CD83: variants seen among roughly 807,000 people sequenced by gnomAD.
CD83 encodes the protein CD83 antigen.
A neutral mutation model predicts 24.6 loss-of-function variants in CD83; 22 were observed. The observed-to-expected ratio is 0.90, with a 90% CI of 0.64 to 1.28. CD83 has a LOEUF of 1.28. Ranked by LOEUF, CD83 falls within the 50% of genes most tolerant of loss-of-function variation. The probability of loss-of-function intolerance (pLI) is 0.00; values close to 1 mark genes in which losing one functional copy is unlikely to be tolerated. For synonymous variants in CD83, 101 were observed against 103.5 expected (o/e 0.98, Z 0.14); for missense variants, 253 against 252.8 (o/e 1.00, Z -0.01).
In CD83 at chr6:14,131,672, G is replaced by A. The variant is rs534299129; in HGVS notation, c.306G>A (p.Ser102=). 6.6e-5 allele frequency: 106 copies of A among 1,614,020 alleles called. No homozygotes were observed. The highest frequency in any genetic ancestry group is 1.6e-4 in the Middle Eastern group (1 of 6,084). Residue 102 remains serine (S), a synonymous_variant, in exon 3 of 5, where the codon TCG becomes TCA. Transcript: ENST00000379153. ...TCCGAAACACTACCAGCTGCAACTC[G>A]GGGACATACAGGTGCACTCTGCAGG... ...LKIRNTTSCN[S]GTYRCTLQDP...
chr6:14,135,166 C>A lies in CD83; in HGVS notation c.548C>A (p.Ala183Asp), dbSNP rs148388985. The A allele has an allele frequency of 4.3e-6, 7 of 1,614,084 alleles. No homozygotes were observed. The highest frequency in any genetic ancestry group is 5.9e-6 in the Non-Finnish European group (7 of 1,179,932). ...TTTTCTAAAGCTGGCATGGAACGAGCTTTTCTCCCAGTTACCTCCCCAAAT... is the reference window on the plus strand; with the variant it reads ...TTTTCTAAAGCTGGCATGGAACGAGATTTTCTCCCAGTTACCTCCCCAAAT... Reference protein sequence around the residue: ...PDFSKAGMERAFLPVTSPNKH... With the variant: ...PDFSKAGMERDFLPVTSPNKH... The change falls in exon 5 of 5, where the codon GCT becomes GAT. Residue 183 changes from alanine (A) to aspartate (D), a missense_variant. Coordinates refer to ENST00000379153, the MANE Select transcript of CD83 (RefSeq NM_004233.4).
At chr6:14,122,924 G>A (rs1759701011) in intron 2 of CD83, among the ~76,000 whole-genome samples, 1 of 152,230 alleles carries the variant, frequency 6.6e-6, no homozygotes, top group Non-Finnish European at 1.5e-5. Context: ...AACCATTGAG[G>A]TAACCAGTGA....
At chr6:14,120,190 C>A (rs78346833) in intron 2 of CD83, among the ~76,000 whole-genome samples, 2,375 of 152,234 alleles carry the variant, frequency 0.016, 45 homozygotes, top group Middle Eastern at 0.051. Flanking sequence ...TTATGCTATA[C>A]CAATAAACGA....
chr6:14,132,361 G>T (rs1757929579), intron 3 of CD83, among the ~76,000 whole-genome samples: 1 of 152,238 alleles, frequency 6.6e-6, no homozygotes, highest in Non-Finnish European at 1.5e-5. Context: ...GGAGAGTGGA[G>T]AGGGCAGGCA....
chr6:14,123,280 G>A (rs1561829415), intron 2 of CD83, among the ~76,000 whole-genome samples: 2 of 151,890 alleles, frequency 1.3e-5, no homozygotes. Context: ...TGTATTTTTA[G>A]TAGAGACAGG....
chr6:14,135,072 A>C (rs763042696), intron 4 of CD83, 36 bp from the exon 5 acceptor site: 19 of 1,609,738 alleles, frequency 1.2e-5, no homozygotes, highest in Non-Finnish European at 1.6e-5. Context: ...GAATTTTTCC[A>C]ATTATTCACT....
chr6:14,118,171 G>T, intron 2 of CD83, 106 bp downstream of exon 2: 1 of 728,918 alleles, frequency 1.4e-6, no homozygotes, highest in Non-Finnish European at 2.2e-6. Context: ...AGGTGGGGGC[G>T]AGGGGCGTCT....
At chr6:14,119,828 C>T (rs1186382749) in intron 2 of CD83, among the ~76,000 whole-genome samples, 1 of 152,150 alleles carries the variant, frequency 6.6e-6, no homozygotes, top group Non-Finnish European at 1.5e-5. Flanking sequence ...TTAAAAAGTA[C>T]TCATGAAACA....
chr6:14,126,281 TA>T (rs1007094303), intron 2 of CD83, among the ~76,000 whole-genome samples: 3 of 152,014 alleles, frequency 2.0e-5, no homozygotes, highest in Non-Finnish European at 4.4e-5. Flanking sequence ...ACCTTGGTTA[TA>T]AAAAAAAGGA....
chr6:14,117,863 C>G lies in CD83; in HGVS notation c.37+15C>G. On this transcript the variant is annotated intron_variant, in intron 1 of 4. Coordinates refer to ENST00000379153, the MANE Select transcript of CD83 (RefSeq NM_004233.4). This position sits in a 1 kb window ranked among gnomAD's most constrained non-coding sequence, Gnocchi z 4.6. Reference sequence around the variant, plus strand: ...CCTGAGCTGCGGTAGGGCTCGCGAGCGCCTGTCTCGCCTGTCGCCCCCCGC... The same window carrying G: ...CCTGAGCTGCGGTAGGGCTCGCGAGGGCCTGTCTCGCCTGTCGCCCCCCGC... The G allele has an allele frequency of 6.4e-7, 1 of 1,571,542 alleles. No individual in the cohort carries two copies. The highest frequency in any genetic ancestry group is 8.6e-7 in the Non-Finnish European group (1 of 1,165,790).
intron 2 of CD83, among the ~76,000 whole-genome samples, chr6:14,127,916 G>A (rs572173046): frequency 1.3e-5 from 2 of 152,324 alleles, no homozygotes; most frequent in East Asian, 1.9e-4. Context: ...GTGCTTTAGC[G>A]CACTGTACTA....
intron 4 of CD83, among the ~76,000 whole-genome samples, chr6:14,134,482 C>G (rs1167011983): frequency 6.6e-6 from 1 of 152,190 alleles, no homozygotes; most frequent in Non-Finnish European, 1.5e-5. Context: ...CCCTTTGTCT[C>G]CATCCACCAG....
intron 2 of CD83, among the ~76,000 whole-genome samples, chr6:14,127,289 C>A (rs1195757119): frequency 1.3e-5 from 2 of 152,064 alleles, no homozygotes; most frequent in Non-Finnish European, 2.9e-5. Context: ...CGTGCCTGGC[C>A]CTGCATTCTT....
chr6:14,132,910 C>G (rs1414621637), intron 3 of CD83, among the ~76,000 whole-genome samples: 2 of 152,218 alleles, frequency 1.3e-5, no homozygotes, highest in Non-Finnish European at 1.5e-5. Flanking sequence ...ACTTGCTTCC[C>G]CAAACAGCAC....
At chr6:14,134,994 A>G in intron 4 of CD83, 114 bp from the exon 5 acceptor site, 3 of 1,004,174 alleles carry the variant, frequency 3.0e-6, no homozygotes, top group Non-Finnish European at 4.5e-6. Context: ...AGTGAGTATG[A>G]GAGCTTCCAG....
intron 2 of CD83, among the ~76,000 whole-genome samples, chr6:14,127,011 C>T (rs75444077): frequency 7.4e-5 from 11 of 149,654 alleles, no homozygotes; most frequent in Admixed American, 3.3e-4. Context: ...TTTTTTAAGA[C>T]GGAGTCATGC....
At chr6:14,133,007 G>A (rs866048471) in intron 3 of CD83, among the ~76,000 whole-genome samples, 4 of 152,178 alleles carry the variant, frequency 2.6e-5, no homozygotes, top group Admixed American at 6.5e-5. Flanking sequence ...CCCTCCCTTC[G>A]TGCTGCACCA....
intron 2 of CD83, 146 bp downstream of exon 2, chr6:14,118,211 C>T (rs559850311): frequency 5.8e-5 from 34 of 591,094 alleles, no homozygotes; most frequent in African/African-American, 7.7e-5. Flanking sequence ...TACCCAGCCT[C>T]CCGTCGCGCC....
chr6:14,127,124 A>C (rs1581330275), intron 2 of CD83, among the ~76,000 whole-genome samples: 2 of 151,866 alleles, frequency 1.3e-5, no homozygotes, highest in South Asian at 4.2e-4. Context: ...AAGTAGCTGG[A>C]ATTACAGATG....
Sources: gnomAD v4.1 joint callset for allele counts (sites outside exome capture counted in the v4.1 genomes callset) on GRCh38, gnomAD v4.1.1 for gene constraint, Gnocchi (gnomAD v3.1) non-coding constraint, MANE v1.5 for transcripts, NCBI Gene and HGNC (gene_info 2026-07-23, HGNC 2026-07-21) for gene names.